SLC1A3: variants seen among roughly 807,000 people sequenced by gnomAD.
The protein encoded by SLC1A3 is excitatory amino acid transporter 1.
SLC1A3 carries 21 observed loss-of-function variants against 48.1 expected under a neutral mutation model. The ratio of observed to expected loss-of-function variants is 0.44; its 90% CI spans 0.31 to 0.63. The LOEUF is 0.63. Ranked by LOEUF, SLC1A3 falls within the 20% of genes least tolerant of loss-of-function variation. The pLI is 0.08. For missense variants in SLC1A3, 546 were observed against 689.0 expected, an observed-to-expected ratio of 0.79 and a Z score of 2.32; for synonymous variants, 239 against 251.4, an observed-to-expected ratio of 0.95 and a Z score of 0.47.
intron 3 of SLC1A3, among the ~76,000 whole-genome samples, chr5:36,652,798 C>T (rs904217422): frequency 6.6e-6 from 1 of 152,190 alleles, no homozygotes; most frequent in Non-Finnish European, 1.5e-5. Context: ...AGCGACATTA[C>T]ATACCCACAC....
Position 36,686,290 on chromosome 5 carries a change from T to TCA in SLC1A3, c.*22_*23insAC. Reference sequence around the variant, plus strand: ...TGTAGACTAACATAAAGAAACACTTTCTTGAGCACCAGGTGTTAAAAACCA... The same window carrying TCA: ...TGTAGACTAACATAAAGAAACACTTTCACTTGAGCACCAGGTGTTAAAAACCA... On this transcript the variant is annotated 3_prime_UTR_variant, in exon 10 of 10. Coordinates refer to ENST00000265113, the MANE Select transcript of SLC1A3 (RefSeq NM_004172.5). 1 of 1,559,008 alleles carries TCA rather than the reference T, an allele frequency of 6.4e-7. No homozygotes were observed.
At chr5:36,600,413 C>T (rs904444955) in intron 1 of SLC1A3, among the ~76,000 whole-genome samples, 2 of 152,124 alleles carry the variant, frequency 1.3e-5, no homozygotes, top group Non-Finnish European at 2.9e-5. Context: ...GTCTCCTGAC[C>T]CCCAGTCTCC....
chr5:36,634,237 C>T (rs1476117601), intron 3 of SLC1A3, among the ~76,000 whole-genome samples: 3 of 151,868 alleles, frequency 2.0e-5, no homozygotes, highest in African/African-American at 7.3e-5. Context: ...GATCGCGCCA[C>T]TGTAGTCCAG....
chr5:36,621,520 G>T (rs1376494298), intron 2 of SLC1A3, among the ~76,000 whole-genome samples: 1 of 152,176 alleles, frequency 6.6e-6, no homozygotes, highest in Non-Finnish European at 1.5e-5. Context: ...TTTGGGAATA[G>T]GCTGGAGAGA....
chr5:36,629,548 A>C lies in SLC1A3; in HGVS notation c.280A>C (p.Met94Leu). The C allele has an allele frequency of 6.2e-7, 1 of 1,612,570 alleles. No individual in the cohort carries two copies. Among genetic ancestry groups the C allele is most frequent in the East Asian group, 2.2e-5 (1 of 44,830 alleles). The part of the protein sequence containing the change: ...PGELLMRMLQ[M>L]LVLPLIISSL... The stretch of plus-strand genomic sequence containing the variant: ...GGAACTTCTGATGAGGATGTTACAG[A>C]TGCTGGTCTTACCACTTATCATCTC... The change falls in exon 3 of 10, where the codon ATG (methionine) becomes CTG (leucine). Residue 94 changes from methionine to leucine, a missense_variant. Physicochemically the swap from Met to Leu is conservative, Grantham distance 15. Transcript: ENST00000265113.
At chr5:36,622,741 T>C (rs368509046) in intron 2 of SLC1A3, among the ~76,000 whole-genome samples, 23 of 152,152 alleles carry the variant, frequency 1.5e-4, no homozygotes, top group African/African-American at 4.3e-4. Flanking sequence ...GCCGGGCGCA[T>C]TGGCTCACGC....
chr5:36,671,124 A>C lies in SLC1A3; in HGVS notation c.415A>C (p.Ile139Leu). 1.2e-6 allele frequency: 2 copies of C among 1,613,922 alleles called. No homozygotes were observed. Among genetic ancestry groups the C allele is most frequent in the Non-Finnish European group, 1.7e-6 (2 of 1,179,776 alleles). ...TTTIIAVVIGIIIVIIIHPGK... is the reference protein window; with the variant it reads ...TTTIIAVVIGLIIVIIIHPGK... Reference sequence around the variant, plus strand: ...CACCATCATTGCTGTGGTGATTGGCATAATCATTGTCATCATCATCCATCC... The same window carrying C: ...CACCATCATTGCTGTGGTGATTGGCCTAATCATTGTCATCATCATCCATCC... Residue 139 changes from isoleucine (I) to leucine (L), a missense_variant, in exon 4 of 10, where the codon ATA becomes CTA. Coordinates refer to ENST00000265113, the MANE Select transcript of SLC1A3 (RefSeq NM_004172.5).
intron 2 of SLC1A3, among the ~76,000 whole-genome samples, chr5:36,622,137 A>G (rs1056848106): frequency 1.5e-4 from 23 of 152,202 alleles, no homozygotes; most frequent in East Asian, 5.8e-4. Context: ...TTTTCTGGGC[A>G]ATGGGTATGA....
At chr5:36,616,258 T>C (rs1739427720) in intron 2 of SLC1A3, among the ~76,000 whole-genome samples, 1 of 152,140 alleles carries the variant, frequency 6.6e-6, no homozygotes, top group South Asian at 2.1e-4. Context: ...GCTTATTCCC[T>C]AGGCCAAGAA....
intron 6 of SLC1A3, among the ~76,000 whole-genome samples, chr5:36,679,316 G>T (rs1348010611): frequency 6.6e-6 from 1 of 152,150 alleles, no homozygotes; most frequent in Non-Finnish European, 1.5e-5. Flanking sequence ...ACAGAGGTGG[G>T]TATCAAAAGC....
At chr5:36,635,355 T>C (rs1740297791) in intron 3 of SLC1A3, among the ~76,000 whole-genome samples, 1 of 152,154 alleles carries the variant, frequency 6.6e-6, no homozygotes, top group Non-Finnish European at 1.5e-5. Flanking sequence ...GCAAGAGCTG[T>C]CTTCTGGCGG....
chr5:36,670,281 G>T (rs763060032), intron 3 of SLC1A3, among the ~76,000 whole-genome samples: 3 of 152,118 alleles, frequency 2.0e-5, no homozygotes, highest in Non-Finnish European at 4.4e-5. Flanking sequence ...GGGATATTTA[G>T]CATGAGATGA....
At chr5:36,658,858 T>G (rs1230023208) in intron 3 of SLC1A3, among the ~76,000 whole-genome samples, 1 of 152,188 alleles carries the variant, frequency 6.6e-6, no homozygotes, top group Non-Finnish European at 1.5e-5. Flanking sequence ...CATTAGTATG[T>G]CATTTTCTGA....
At chr5:36,638,402 C>T (rs1740478100) in intron 3 of SLC1A3, among the ~76,000 whole-genome samples, 1 of 152,174 alleles carries the variant, frequency 6.6e-6, no homozygotes, top group South Asian at 2.1e-4. Flanking sequence ...GCACTTCATC[C>T]TTAGTATGCT....
At chr5:36,604,373 A>C (rs1738843128), upstream of SLC1A3, among the ~76,000 whole-genome samples, 1 of 152,156 alleles carries the variant, frequency 6.6e-6, no homozygotes, top group African/African-American at 2.4e-5. Flanking sequence ...CAAGGGACTT[A>C]ACTATAAAGT....
chr5:36,674,081 G>C lies in SLC1A3; in HGVS notation c.557G>C (p.Cys186Ser). 1 of 1,613,016 alleles carries C rather than the reference G, an allele frequency of 6.2e-7. No individual in the cohort carries two copies. The highest frequency in any genetic ancestry group is 8.5e-7 in the Non-Finnish European group (1 of 1,179,116). Residue 186 changes from cysteine (C) to serine (S), a missense_variant, in exon 5 of 10, where the codon TGC becomes TCC. Coordinates refer to ENST00000265113, the MANE Select transcript of SLC1A3 (RefSeq NM_004172.5). ...TTCCCTCCAAATCTGGTAGAAGCCT[G>C]CTTTAAACAGGTAAACACTCTACAG... ...NMFPPNLVEACFKQFKTNYEK... is the reference protein window; with the variant it reads ...NMFPPNLVEASFKQFKTNYEK...
chr5:36,682,727 G>A (rs781192145), intron 8 of SLC1A3, among the ~76,000 whole-genome samples: 3 of 152,156 alleles, frequency 2.0e-5, no homozygotes, highest in Non-Finnish European at 4.4e-5. Context: ...TTAGTCAGTC[G>A]GAAGTGGGGA....
At chr5:36,615,403 G>A (rs890618465) in intron 2 of SLC1A3, among the ~76,000 whole-genome samples, 1 of 152,076 alleles carries the variant, frequency 6.6e-6, no homozygotes, top group Non-Finnish European at 1.5e-5. Context: ...GCTTTGTTTT[G>A]TTTCCAGGGC....
intron 3 of SLC1A3, among the ~76,000 whole-genome samples, chr5:36,653,855 T>C (rs1200690312): frequency 1.3e-5 from 2 of 152,226 alleles, no homozygotes; most frequent in Non-Finnish European, 2.9e-5. Flanking sequence ...GTTTGTTTGT[T>C]TTGTTTTTGA....
Sources: allele counts gnomAD v4.1 joint callset (sites outside exome capture counted in the v4.1 genomes callset), GRCh38; gene constraint gnomAD v4.1.1; transcripts MANE v1.5; gene names NCBI Gene and HGNC (gene_info 2026-07-23, HGNC 2026-07-21).